EFR3A: variants seen among roughly 807,000 people sequenced by gnomAD.
The protein encoded by EFR3A is EFR3 homolog A.
In EFR3A, 76 loss-of-function variants were observed where a neutral mutation model predicts 104.4. That is an observed-to-expected ratio of 0.73 (90% CI 0.60 to 0.88). The LOEUF (loss-of-function observed/expected upper bound fraction) is 0.88, where lower values mean the gene tolerates loss of function less well. Ranked by LOEUF, EFR3A falls within the 40% of genes least tolerant of loss-of-function variation. The probability of loss-of-function intolerance (pLI) is 0.00; values close to 1 mark genes in which losing one functional copy is unlikely to be tolerated. For synonymous variants in EFR3A, 330 were observed against 330.0 expected (o/e 1.00, Z 0.00); for missense variants, 985 against 1,012.5 (o/e 0.97, Z 0.37).
intron 7 of EFR3A, among the ~76,000 whole-genome samples, chr8:131,959,063 ATT>A (rs1819170049): frequency 6.6e-6 from 1 of 152,216 alleles, no homozygotes; most frequent in African/African-American, 2.4e-5. Context: ...TAGATTAACC[ATT>A]AAGGTTGATA....
chr8:131,953,798 CTTT>C lies in EFR3A; in HGVS notation c.489-7_489-5del, dbSNP rs112472883. 725 of 1,356,700 alleles carry C rather than the reference CTTT, an allele frequency of 5.3e-4. No homozygotes were observed. Among genetic ancestry groups the C allele is most frequent in the African/African-American group, 1.8e-3 (116 of 64,366 alleles). The allele number at this position is 1,356,700 out of a possible 1,614,324, so 84.0% of individuals were successfully genotyped here. A position where few individuals can be genotyped will look rare whatever the true frequency, so the allele number is the denominator to read the frequency against. On this transcript the variant is annotated splice_polypyrimidine_tract_variant and intron_variant, in intron 5 of 22. Coordinates refer to ENST00000254624, the MANE Select transcript of EFR3A (RefSeq NM_015137.6). ...AATTTTTTTATGGCTCATTTTCTTC[CTTT>C]TTTTTTTTTTTTATAGGATACGAAT...
rs1376950204 is a variant in EFR3A at position 131,949,973 on chromosome 8, T to C, written c.371T>C (p.Val124Ala). The C allele has an allele frequency of 1.9e-6, 3 of 1,590,428 alleles. No individual in the cohort carries two copies. The African/African-American group carries it at 4.1e-5, about 22-fold the overall frequency. The change falls in exon 5 of 23, where the codon GTC becomes GCC. Residue 124 changes from valine (V) to alanine (A), a missense_variant. By Grantham distance (64) the Val-to-Ala change is moderately conservative. Transcript: ENST00000254624. ...KLQVLGTNSFVKFANIEEDTP... is the reference protein window; with the variant it reads ...KLQVLGTNSFAKFANIEEDTP... ...TATATTATTTGTGTTTTTTAGTTTGTCAAATTTGCAAATATTGAAGAAGAC... is the reference window on the plus strand; with the variant it reads ...TATATTATTTGTGTTTTTTAGTTTGCCAAATTTGCAAATATTGAAGAAGAC...
intron 10 of EFR3A, among the ~76,000 whole-genome samples, chr8:131,973,063 T>G (rs2130713073): frequency 6.8e-6 from 1 of 148,120 alleles, no homozygotes; most frequent in Non-Finnish European, 1.5e-5. Flanking sequence ...AGTTGCAGTC[T>G]CATCACATGT....
chr8:131,921,664 G>A (rs1817033163), intron 1 of EFR3A, among the ~76,000 whole-genome samples: 1 of 152,048 alleles, frequency 6.6e-6, no homozygotes, highest in Admixed American at 6.6e-5. Context: ...TAAGTGAAGT[G>A]TATGTGGCAC....
chr8:131,953,219 TAC>T (rs1818794220), intron 5 of EFR3A, among the ~76,000 whole-genome samples: 1 of 152,206 alleles, frequency 6.6e-6, no homozygotes, highest in Non-Finnish European at 1.5e-5. Flanking sequence ...ATTATATTGA[TAC>T]ATTTTAAGTC....
chr8:132,002,085 A>G (rs1391309885), intron 20 of EFR3A, among the ~76,000 whole-genome samples: 1 of 152,216 alleles, frequency 6.6e-6, no homozygotes, highest in Non-Finnish European at 1.5e-5. Flanking sequence ...TGGCCAGACC[A>G]TACGTCATCA....
chr8:132,011,335 T>C lies in EFR3A; in HGVS notation c.*440T>C. 2 of 987,214 alleles carry C rather than the reference T, an allele frequency of 2.0e-6. No homozygotes were observed. Among genetic ancestry groups the C allele is most frequent in the Non-Finnish European group, 2.4e-6 (2 of 831,000 alleles). 61.2% of individuals were successfully genotyped at this position (987,214 alleles called of 1,614,324 possible). On this transcript the variant is annotated 3_prime_UTR_variant, in exon 23 of 23. Transcript: ENST00000254624. ...CAAAGGCAGATACATTTAAATATATTCCTAGTCCTGGGACTGCAAAACTGT... is the reference window on the plus strand; with the variant it reads ...CAAAGGCAGATACATTTAAATATATCCCTAGTCCTGGGACTGCAAAACTGT...
At chr8:131,988,314 T>G (rs1183615515) in intron 18 of EFR3A, among the ~76,000 whole-genome samples, 2 of 152,134 alleles carry the variant, frequency 1.3e-5, no homozygotes, top group Non-Finnish European at 2.9e-5. Flanking sequence ...TTTAATTTGG[T>G]GACTATATAA....
intron 1 of EFR3A, among the ~76,000 whole-genome samples, chr8:131,937,770 C>T (rs1192523128): frequency 6.8e-6 from 1 of 146,012 alleles, no homozygotes; most frequent in East Asian, 2.1e-4. Flanking sequence ...GTGATATGCT[C>T]ATCCCCCTCT....
chr8:131,996,380 A>G, intron 18 of EFR3A, 26 bp from the exon 19 acceptor site: 1 of 1,389,476 alleles, frequency 7.2e-7, no homozygotes, highest in Non-Finnish European at 9.9e-7. Context: ...CTAGCAAATA[A>G]TGGGAAGAAA....
At chr8:131,986,469 C>A (rs1185120033) in intron 17 of EFR3A, among the ~76,000 whole-genome samples, 3 of 152,156 alleles carry the variant, frequency 2.0e-5, no homozygotes, top group East Asian at 1.9e-4. Flanking sequence ...AACATGGAGT[C>A]AATCTTGAAA....
intron 7 of EFR3A, among the ~76,000 whole-genome samples, chr8:131,958,897 C>A (rs976782611): frequency 2.0e-5 from 3 of 152,094 alleles, no homozygotes; most frequent in Non-Finnish European, 4.4e-5. Flanking sequence ...TTACTTAATC[C>A]TTTTACCCTA....
chr8:131,980,620 A>G (rs1820559860), intron 14 of EFR3A, among the ~76,000 whole-genome samples: 1 of 152,106 alleles, frequency 6.6e-6, no homozygotes, highest in Admixed American at 6.6e-5. Context: ...AATCCAGCTA[A>G]TTAACATATC....
In EFR3A at chr8:131,959,661, C is replaced by A; in HGVS notation, c.853C>A (p.Gln285Lys). 7 of 1,607,786 alleles carry A rather than the reference C, an allele frequency of 4.4e-6. No individual in the cohort carries two copies. Among genetic ancestry groups the A allele is most frequent in the Non-Finnish European group, 5.9e-6 (7 of 1,176,890 alleles). Reference protein sequence around the residue: ...HCFKIIMYSIQAQYSHHVIQE... With the variant: ...HCFKIIMYSIKAQYSHHVIQE... ...CTTTAAAATTATAATGTATTCCATT[C>A]AGGTAAGGTTTGATTAACTATTTAC... Residue 285 changes from glutamine (Q) to lysine (K), a missense_variant and splice_region_variant, in exon 8 of 23, where the codon CAG becomes AAG. Physicochemically the swap from Gln to Lys is moderately conservative, Grantham distance 53. Coordinates refer to ENST00000254624, the MANE Select transcript of EFR3A (RefSeq NM_015137.6).
intron 13 of EFR3A, 139 bp downstream of exon 13, chr8:131,979,158 A>G: frequency 1.8e-6 from 2 of 1,091,954 alleles, no homozygotes; most frequent in Non-Finnish European, 1.3e-6. Flanking sequence ...GTATTGAGAT[A>G]ATTTAATCAA....
chr8:132,001,038 A>T (rs1434347657), intron 19 of EFR3A: 1 of 152,204 alleles, frequency 6.6e-6, no homozygotes, highest in Non-Finnish European at 1.5e-5. Context: ...TTATTCAGAG[A>T]TACTATAGGA....
At chr8:131,922,918 T>C (rs1416230039) in intron 1 of EFR3A, among the ~76,000 whole-genome samples, 1 of 152,172 alleles carries the variant, frequency 6.6e-6, no homozygotes, top group Non-Finnish European at 1.5e-5. Flanking sequence ...AGATTTTATC[T>C]CCAGGAACTT....
At chr8:132,009,485 T>C (rs1321757985) in intron 22 of EFR3A, among the ~76,000 whole-genome samples, 2 of 152,060 alleles carry the variant, frequency 1.3e-5, no homozygotes, top group East Asian at 1.9e-4. Flanking sequence ...TAGAAAAACA[T>C]ATGACAGATC....
intron 4 of EFR3A, 95 bp downstream of exon 4, chr8:131,946,728 C>T (rs563493681): frequency 2.5e-6 from 3 of 1,205,784 alleles, no homozygotes; most frequent in East Asian, 2.9e-5. Context: ...AAGGCAAATT[C>T]CCTGAATAGG....
Sources: gnomAD v4.1 joint callset for allele counts (sites outside exome capture counted in the v4.1 genomes callset) on GRCh38, gnomAD v4.1.1 for gene constraint, MANE v1.5 for transcripts, NCBI Gene and HGNC (gene_info 2026-07-23, HGNC 2026-07-21) for gene names.